Variants in KCNIP4 observed in about 807,000 individuals in gnomAD.
The protein encoded by KCNIP4 is potassium voltage-gated channel interacting protein 4.
In KCNIP4, 12 loss-of-function variants were observed where a neutral mutation model predicts 34.0. The observed-to-expected ratio is 0.35, with a 90% confidence interval of 0.23 to 0.57. The LOEUF is 0.57. KCNIP4 is among the 20% of genes least tolerant of loss of function. KCNIP4 has a pLI of 0.83. For synonymous variants in KCNIP4, 124 were observed against 102.2 expected, an observed-to-expected ratio of 1.21 and a Z score of -1.29; for missense variants, 238 against 311.7, an observed-to-expected ratio of 0.76 and a Z score of 1.78.
intron 1 of KCNIP4, among the ~76,000 whole-genome samples, chr4:21,575,308 A>C (rs1740672029): frequency 6.6e-6 from 1 of 152,178 alleles, no homozygotes; most frequent in South Asian, 2.1e-4. Context: ...TGAGATAGGA[A>C]AGTTTAGGGC....
chr4:21,131,099 TGTA>T (rs1751035264), intron 1 of KCNIP4, among the ~76,000 whole-genome samples: 1 of 152,164 alleles, frequency 6.6e-6, no homozygotes, highest in African/African-American at 2.4e-5. Context: ...CCCGAAGGTA[TGTA>T]GTAGATTGTT....
chr4:21,373,987 G>A (rs1357336981), intron 1 of KCNIP4, among the ~76,000 whole-genome samples: 1 of 147,338 alleles, frequency 6.8e-6, no homozygotes, highest in Admixed American at 6.6e-5. Flanking sequence ...TTACAGGTGT[G>A]AGCCACCACA....
intron 1 of KCNIP4, among the ~76,000 whole-genome samples, chr4:21,381,595 C>A (rs1721509682): frequency 1.3e-5 from 2 of 152,172 alleles, no homozygotes; most frequent in South Asian, 4.1e-4. Flanking sequence ...ACAATTCCTG[C>A]AGATGAGTTA....
chr4:21,143,075 C>T (rs1752089133), intron 1 of KCNIP4, among the ~76,000 whole-genome samples: 1 of 152,112 alleles, frequency 6.6e-6, no homozygotes, highest in Admixed American at 6.5e-5. Flanking sequence ...GATAGCTCCC[C>T]CAACATTCAG....
chr4:21,852,700 A>G (rs1437600209), intron 1 of KCNIP4: 1 of 152,186 alleles, frequency 6.6e-6, no homozygotes, highest in South Asian at 2.1e-4. Context: ...TACATGACAC[A>G]TTCAAACTCA....
intron 1 of KCNIP4, among the ~76,000 whole-genome samples, chr4:21,720,302 T>C (rs1307839232): frequency 6.6e-6 from 1 of 151,640 alleles, no homozygotes; most frequent in Non-Finnish European, 1.5e-5. Flanking sequence ...AAAATATAAA[T>C]TGAAAAAAAA....
intron 1 of KCNIP4, among the ~76,000 whole-genome samples, chr4:21,802,890 T>C (rs527975954): frequency 6.6e-6 from 1 of 152,188 alleles, no homozygotes; most frequent in African/African-American, 2.4e-5. Flanking sequence ...ACTGATAGAG[T>C]CAGCTTTAAA....
intron 1 of KCNIP4, among the ~76,000 whole-genome samples, chr4:21,109,202 A>G (rs1378924573): frequency 1.3e-5 from 2 of 152,180 alleles, no homozygotes; most frequent in Non-Finnish European, 2.9e-5. Context: ...CTGCCCCCAG[A>G]GGTGGAGCCT....
chr4:21,044,135 G>T (rs1456132924), intron 1 of KCNIP4, among the ~76,000 whole-genome samples: 1 of 152,012 alleles, frequency 6.6e-6, no homozygotes, highest in South Asian at 2.1e-4. Context: ...CTCCTGGAAG[G>T]GGCAGTTTCC....
At chr4:21,653,827 A>G (rs1747699776) in intron 1 of KCNIP4, among the ~76,000 whole-genome samples, 1 of 152,192 alleles carries the variant, frequency 6.6e-6, no homozygotes, top group South Asian at 2.1e-4. Context: ...CTTAGAATCC[A>G]AATCCAAATC....
intron 1 of KCNIP4, among the ~76,000 whole-genome samples, chr4:20,991,078 A>C (rs548936288): frequency 2.6e-5 from 4 of 152,328 alleles, no homozygotes; most frequent in Admixed American, 2.6e-4. Flanking sequence ...AACTTGCCCA[A>C]AACTACAGTG....
At chr4:21,226,731 T>C (rs1379314367) in intron 1 of KCNIP4, among the ~76,000 whole-genome samples, 1 of 152,162 alleles carries the variant, frequency 6.6e-6, no homozygotes, top group Non-Finnish European at 1.5e-5. Context: ...GTGTTATCTA[T>C]TGAGAAATTT....
intron 1 of KCNIP4, among the ~76,000 whole-genome samples, chr4:21,014,796 A>C (rs1037172970): frequency 2.0e-5 from 3 of 152,206 alleles, no homozygotes; most frequent in African/African-American, 7.2e-5. Flanking sequence ...GCAAGGATTC[A>C]GATATTTGCA....
At chr4:21,144,947 C>A (rs1752242444) in intron 1 of KCNIP4, among the ~76,000 whole-genome samples, 1 of 150,110 alleles carries the variant, frequency 6.7e-6, no homozygotes, top group South Asian at 2.1e-4. Context: ...GGGAGTTTGG[C>A]ACTTTTACAA....
intron 4 of KCNIP4, among the ~76,000 whole-genome samples, chr4:20,753,145 T>C (rs1241345526): frequency 1.3e-5 from 2 of 152,148 alleles, no homozygotes; most frequent in Non-Finnish European, 2.9e-5. Context: ...TGGGAAGACA[T>C]TTTGGATACT....
intron 1 of KCNIP4, among the ~76,000 whole-genome samples, chr4:21,115,127 A>T (rs2109115889): frequency 6.6e-6 from 1 of 152,256 alleles, no homozygotes; most frequent in Middle Eastern, 3.4e-3. Context: ...TCCTCACAGT[A>T]GTCTTCTGAA....
At chr4:20,816,895 C>G (rs895016955) in intron 3 of KCNIP4, among the ~76,000 whole-genome samples, 2 of 152,100 alleles carry the variant, frequency 1.3e-5, no homozygotes, top group Non-Finnish European at 2.9e-5. Flanking sequence ...TTTGTGTTAG[C>G]CATGGGGAGT....
intron 1 of KCNIP4, among the ~76,000 whole-genome samples, chr4:21,200,031 G>T (rs1756351915): frequency 6.6e-6 from 1 of 151,922 alleles, no homozygotes; most frequent in African/African-American, 2.4e-5. Context: ...TCACACACTG[G>T]GGCCTGTTGT....
At chr4:20,941,090 C>T (rs1028658001) in intron 1 of KCNIP4, among the ~76,000 whole-genome samples, 6 of 152,176 alleles carry the variant, frequency 3.9e-5, no homozygotes, top group Admixed American at 1.3e-4. Context: ...TTGAATTCCC[C>T]TTTCCCCATG....
Sources: gnomAD v4.1 joint callset for allele counts (sites outside exome capture counted in the v4.1 genomes callset) on GRCh38, gnomAD v4.1.1 for gene constraint, MANE v1.5 for transcripts, NCBI Gene and HGNC (gene_info 2026-07-23, HGNC 2026-07-21) for gene names.